Variants in TDRD12 observed in about 807,000 individuals in gnomAD.
The protein encoded by TDRD12 is putative ATP-dependent RNA helicase TDRD12.
A neutral mutation model predicts 133.5 loss-of-function variants in TDRD12; 158 were observed. The observed-to-expected ratio is 1.18, with a 90% confidence interval of 1.04 to 1.35. The LOEUF (loss-of-function observed/expected upper bound fraction) is 1.35, where lower values mean the gene tolerates loss of function less well. Ranked by LOEUF, TDRD12 falls within the 40% of genes most tolerant of loss-of-function variation. The pLI, the probability that TDRD12 is intolerant of heterozygous loss-of-function variation, is 0.00. For synonymous variants in TDRD12, 460 were observed against 477.9 expected (o/e 0.96, Z 0.49); for missense variants, 1,443 against 1,321.3 (o/e 1.09, Z -1.43).
At chr19:32,809,751 A>G (rs906146613) in intron 22 of TDRD12, among the ~76,000 whole-genome samples, 7 of 152,228 alleles carry the variant, frequency 4.6e-5, no homozygotes, top group African/African-American at 1.7e-4. Flanking sequence ...AAGATCAGAA[A>G]GTTTCAAGAG....
intron 11 of TDRD12, among the ~76,000 whole-genome samples, chr19:32,788,143 A>G (rs1354305208): frequency 5.3e-5 from 8 of 150,564 alleles, no homozygotes; most frequent in African/African-American, 2.0e-4. Flanking sequence ...GTTTTTTTGA[A>G]ATGGAGTCTC....
chr19:32,742,785 C>T lies in TDRD12; in HGVS notation c.325C>T (p.Arg109Ter), dbSNP rs1255326436. Residue 109 changes from arginine (R) to a stop codon, truncating the protein, a stop_gained, in exon 4 of 28, where the codon CGA becomes TGA. Coordinates refer to ENST00000444215, the Ensembl canonical transcript of TDRD12. LOFTEE classifies it high-confidence loss of function. The stretch of plus-strand genomic sequence containing the variant: ...TGTTTCTGTTTTACTTTTTAGCATC[C>T]GAGTTGTAGTAGAATCGTTTATGCA... The T allele has an allele frequency of 1.7e-5, 26 of 1,550,534 alleles. No individual in the cohort carries two copies. Among genetic ancestry groups the T allele is most frequent in the East Asian group, 4.9e-5 (2 of 40,896 alleles).
At chr19:32,763,635 A>AGATTTTCCT (rs1829966172) in intron 8 of TDRD12, among the ~76,000 whole-genome samples, 1 of 152,180 alleles carries the variant, frequency 6.6e-6, no homozygotes, top group Non-Finnish European at 1.5e-5. Context: ...TCGAAGCACG[A>AGATTTTCCT]GATTTTCCTG....
exon 24 of TDRD12, chr19:32,811,330 A>G: frequency 2.0e-6 from 3 of 1,536,148 alleles, no homozygotes; most frequent in Non-Finnish European, 2.6e-6. Flanking sequence ...TGCATCTCCC[A>G]GAACATTTCC....
At chr19:32,818,187 C>T in intron 27 of TDRD12, 30 bp downstream of exon 27, 1 of 693,184 alleles carries the variant, frequency 1.4e-6, no homozygotes, top group Non-Finnish European at 2.6e-6. Flanking sequence ...AGCTTCCTCC[C>T]AGAATGCCAG....
chr19:32,731,893 T>A lies in TDRD12; in HGVS notation c.183+10T>A. The A allele has an allele frequency of 1.3e-6, 2 of 1,529,894 alleles. No homozygotes were observed. Among genetic ancestry groups the A allele is most frequent in the Non-Finnish European group, 1.8e-6 (2 of 1,139,758 alleles). The allele number at this position is 1,529,894 out of a possible 1,614,324, so 94.8% of individuals were successfully genotyped here. On this transcript the variant is annotated intron_variant, in intron 2 of 27. Coordinates refer to ENST00000444215, the Ensembl canonical transcript of TDRD12. ...ATTGGAAGAAGGACAGGTATGTATC[T>A]AAATGTTCTTTAATCACTGTGTATT...
At chr19:32,794,413 A>C (rs1971163505) in intron 13 of TDRD12, among the ~76,000 whole-genome samples, 1 of 152,012 alleles carries the variant, frequency 6.6e-6, no homozygotes, top group Admixed American at 6.6e-5. Context: ...CCTAGCAAGA[A>C]TCTTTTAATG....
intron 4 of TDRD12, among the ~76,000 whole-genome samples, chr19:32,743,253 C>T (rs920076854): frequency 1.3e-5 from 2 of 152,222 alleles, no homozygotes; most frequent in Admixed American, 1.3e-4. Flanking sequence ...ATGATCATGG[C>T]TCATTGCAGC....
At chr19:32,823,571 A>G (rs1967480631), downstream of TDRD12, among the ~76,000 whole-genome samples, 1 of 152,104 alleles carries the variant, frequency 6.6e-6, no homozygotes, top group African/African-American at 2.4e-5. Context: ...TCCGGAGCCG[A>G]GTGGTACGTG....
chr19:32,799,606 C>T (rs751896868), intron 16 of TDRD12, among the ~76,000 whole-genome samples: 34 of 151,652 alleles, frequency 2.2e-4, no homozygotes, highest in Admixed American at 2.6e-4. Context: ...GAACATTAAT[C>T]TCTTGTTTGT....
At chr19:32,722,680 T>A (rs12463275) in intron 1 of TDRD12, among the ~76,000 whole-genome samples, 98 of 26,058 alleles carry the variant, frequency 3.8e-3, no homozygotes, top group Middle Eastern at 0.023. Context: ...TTAAAAAAAA[T>A]TTTTTTTTTT....
chr19:32,774,420 T>C (rs928430401), intron 10 of TDRD12, among the ~76,000 whole-genome samples: 2 of 152,214 alleles, frequency 1.3e-5, no homozygotes, highest in African/African-American at 4.8e-5. Context: ...TCCTTTAATA[T>C]TTCTTGCATT....
intron 11 of TDRD12, among the ~76,000 whole-genome samples, chr19:32,777,775 G>C (rs61556019): frequency 9.0e-5 from 9 of 99,682 alleles, no homozygotes; most frequent in South Asian, 6.2e-4. Context: ...CTCCCAAGTA[G>C]CTGGGACCAT....
chr19:32,719,773 A>G (rs1968559027), exon 1 of TDRD12: 1 of 513,672 alleles, frequency 1.9e-6, no homozygotes, highest in African/African-American at 2.0e-5. Flanking sequence ...AGGCCTGCTC[A>G]GCGTGCGCGG....
intron 7 of TDRD12, among the ~76,000 whole-genome samples, chr19:32,756,658 G>A (rs1166620485): frequency 2.0e-5 from 3 of 152,160 alleles, no homozygotes; most frequent in Non-Finnish European, 4.4e-5. Flanking sequence ...AAAGTGCTGG[G>A]ATTACAGGCG....
chr19:32,798,208 A>G (rs150688658), intron 15 of TDRD12, 100 bp from the exon 16 acceptor site: 14,316 of 1,205,372 alleles, frequency 0.012, 97 homozygotes, highest in Non-Finnish European at 0.014. Flanking sequence ...GTTTTACTTC[A>G]TTAGAAGGCA....
At chr19:32,803,713 C>T (rs1393940013) in intron 21 of TDRD12, among the ~76,000 whole-genome samples, 1 of 152,210 alleles carries the variant, frequency 6.6e-6, no homozygotes, top group African/African-American at 2.4e-5. Context: ...TACTGTCTGA[C>T]AGAGCCTGAG....
At chr19:32,778,245 CA>C (rs1478246456) in intron 11 of TDRD12, among the ~76,000 whole-genome samples, 1 of 151,838 alleles carries the variant, frequency 6.6e-6, no homozygotes, top group Non-Finnish European at 1.5e-5. Flanking sequence ...CTTCTTACCC[CA>C]CAGGACACCA....
At chr19:32,794,425 G>T (rs571541818) in intron 13 of TDRD12, among the ~76,000 whole-genome samples, 84 of 152,094 alleles carry the variant, frequency 5.5e-4, no homozygotes, top group Non-Finnish European at 1.1e-3. Context: ...CTTTTAATGG[G>T]AGTCTTAATA....
Sources: allele counts gnomAD v4.1 joint callset (sites outside exome capture counted in the v4.1 genomes callset), GRCh38; gene constraint gnomAD v4.1.1; transcripts MANE v1.5; gene names NCBI Gene and HGNC (gene_info 2026-07-23, HGNC 2026-07-21).